COL24A1: variants seen among roughly 807,000 people sequenced by gnomAD.
COL24A1 encodes collagen type XXIV alpha 1 chain.
COL24A1 carries 224 observed loss-of-function variants against 253.9 expected under a neutral mutation model. The ratio of observed to expected loss-of-function variants is 0.88; its 90% confidence interval spans 0.79 to 0.99. COL24A1 has a LOEUF of 0.99. Among genes scored for constraint, COL24A1 ranks in the 50% least tolerant of loss-of-function variants. COL24A1 has a pLI of 0.00. For missense variants in COL24A1, 2,131 were observed against 2,068.5 expected, an observed-to-expected ratio of 1.03 and a Z score of -0.59; for synonymous variants, 685 against 673.7, an observed-to-expected ratio of 1.02 and a Z score of -0.26.
At chr1:86,149,949 C>T (rs139420771) in intron 1 of COL24A1, among the ~76,000 whole-genome samples, 76 of 152,230 alleles carry the variant, frequency 5.0e-4, no homozygotes, top group African/African-American at 1.6e-3. Context: ...AAACAAATAG[C>T]GAACTGAAAA....
At chr1:86,033,975 G>C (rs910833659) in intron 12 of COL24A1, 52 bp from the exon 13 acceptor site, 1 of 1,389,232 alleles carries the variant, frequency 7.2e-7, no homozygotes, top group Non-Finnish European at 9.7e-7. Flanking sequence ...ATTCATTTTT[G>C]CTGTATTTTC....
chr1:86,142,659 G>A (rs972658260), intron 2 of COL24A1, among the ~76,000 whole-genome samples: 2 of 151,716 alleles, frequency 1.3e-5, no homozygotes, highest in African/African-American at 4.8e-5. Context: ...ACGGAAAATA[G>A]GATCTAAAAA....
intron 19 of COL24A1, among the ~76,000 whole-genome samples, chr1:86,012,446 T>C (rs1384257330): frequency 1.3e-5 from 2 of 151,826 alleles, no homozygotes; most frequent in African/African-American, 2.4e-5. Flanking sequence ...AAAATAAGCC[T>C]GGTGTGGTGG....
At chr1:85,733,345 G>C (rs1663706168) in intron 59 of COL24A1, among the ~76,000 whole-genome samples, 1 of 152,124 alleles carries the variant, frequency 6.6e-6, no homozygotes, top group Admixed American at 6.6e-5. Context: ...CAGATAGTAA[G>C]TATTTTACAT....
rs540345376 is a variant in COL24A1, at chr1:85,849,551, C to T, written c.3301-145G>A. On this transcript the variant is annotated intron_variant, in intron 37 of 59. Transcript: ENST00000370571. ...AATTTTCACATTATTAGGTTTGTAT[C>T]ATTTAAAAAGAGGTCACAATGACTT... is the stretch of plus-strand genomic sequence containing the variant. The T allele has an allele frequency of 3.3e-5, 22 of 664,934 alleles. No individual in the cohort carries two copies. In the South Asian group the frequency reaches 4.2e-4, roughly 13 times the overall value. The allele number at this position is 664,934 out of a possible 1,614,324, so 41.2% of individuals were successfully genotyped here.
At chr1:86,152,007 T>C (rs1037612869) in intron 1 of COL24A1, among the ~76,000 whole-genome samples, 3 of 152,228 alleles carry the variant, frequency 2.0e-5, no homozygotes, top group Admixed American at 1.3e-4. Flanking sequence ...CTCTAAGTCA[T>C]GACAGCTTTA....
At chr1:85,922,249 G>A (rs765517928) in intron 24 of COL24A1, among the ~76,000 whole-genome samples, 12 of 152,118 alleles carry the variant, frequency 7.9e-5, no homozygotes, top group African/African-American at 2.9e-4. Context: ...ACTCTTCAGG[G>A]TATTATCCAT....
chr1:86,008,532 C>A (rs890578485), intron 19 of COL24A1, among the ~76,000 whole-genome samples: 5 of 152,244 alleles, frequency 3.3e-5, no homozygotes, highest in Non-Finnish European at 2.9e-5. Flanking sequence ...ATATTTTAAT[C>A]TTCATGCCAG....
intron 12 of COL24A1, among the ~76,000 whole-genome samples, chr1:86,045,210 G>A (rs1255001061): frequency 1.3e-5 from 2 of 152,046 alleles, no homozygotes; most frequent in Non-Finnish European, 2.9e-5. Context: ...GGCTGGTCTC[G>A]AACACCTGAC....
chr1:86,000,087 G>C (rs1344978438), intron 19 of COL24A1, among the ~76,000 whole-genome samples: 4 of 152,122 alleles, frequency 2.6e-5, no homozygotes, highest in Non-Finnish European at 5.9e-5. Context: ...TGCTTATATG[G>C]TTCACTGTGC....
intron 2 of COL24A1, among the ~76,000 whole-genome samples, chr1:86,135,135 G>C (rs1350988273): frequency 2.0e-5 from 3 of 148,230 alleles, no homozygotes; most frequent in Non-Finnish European, 4.5e-5. Context: ...ATCCTTGTTG[G>C]TTTAAAGTCT....
chr1:85,955,613 G>A (rs1417783314), intron 24 of COL24A1, among the ~76,000 whole-genome samples: 1 of 151,642 alleles, frequency 6.6e-6, no homozygotes, highest in Non-Finnish European at 1.5e-5. Context: ...GTTTGACAGC[G>A]GGACACCAAA....
At chr1:86,011,341 G>C (rs551670) in intron 19 of COL24A1, among the ~76,000 whole-genome samples, 27,645 of 151,928 alleles carry the variant, frequency 0.18, 3,195 homozygotes, top group African/African-American at 0.32. Context: ...CTAATTACTC[G>C]GTGGAAATAA....
chr1:86,141,314 T>C (rs576261436), intron 2 of COL24A1, among the ~76,000 whole-genome samples: 1 of 152,062 alleles, frequency 6.6e-6, no homozygotes, highest in Admixed American at 6.6e-5. Context: ...TATGTGAGGG[T>C]GGAGGATTGA....
At chr1:85,838,505 A>G in intron 43 of COL24A1, 80 bp downstream of exon 43, 1 of 1,265,342 alleles carries the variant, frequency 7.9e-7, no homozygotes, top group Admixed American at 1.7e-5. Flanking sequence ...AATTATCTCA[A>G]TAATGGAATG....
At chr1:85,898,678 G>A (rs1684002175) in intron 28 of COL24A1, among the ~76,000 whole-genome samples, 1 of 152,180 alleles carries the variant, frequency 6.6e-6, no homozygotes, top group South Asian at 2.1e-4. Flanking sequence ...CCTACTATAA[G>A]CCAGCATTGT....
At chr1:86,024,427 G>C (rs1286680304) in intron 14 of COL24A1, among the ~76,000 whole-genome samples, 1 of 152,112 alleles carries the variant, frequency 6.6e-6, no homozygotes, top group Non-Finnish European at 1.5e-5. Context: ...TTGAAATGGT[G>C]ATTTCTAGAG....
In COL24A1 at chr1:86,046,783, T is replaced by C. The variant is rs755219822; in HGVS notation, c.1950+42A>G. ...TAAGTAAGAACACATAACCAGGTTA[T>C]ATTGCTGTAAAATAAACCTCAAAAA... On this transcript the variant is annotated intron_variant, in intron 12 of 59. Transcript: ENST00000370571. 6.8e-6 allele frequency: 11 copies of C among 1,607,870 alleles called. No homozygotes were observed. In the East Asian group the frequency reaches 1.1e-4, roughly 16 times the overall value.
intron 22 of COL24A1, among the ~76,000 whole-genome samples, chr1:85,968,876 C>CT (rs1326874931): frequency 6.6e-6 from 1 of 152,076 alleles, no homozygotes; most frequent in East Asian, 1.9e-4. Flanking sequence ...ACTTCTTGTC[C>CT]TACTTAAATT....
Sources: gnomAD v4.1 joint callset for allele counts (sites outside exome capture counted in the v4.1 genomes callset) on GRCh38, gnomAD v4.1.1 for gene constraint, MANE v1.5 for transcripts, NCBI Gene and HGNC (gene_info 2026-07-23, HGNC 2026-07-21) for gene names.